SPTB: variants seen among roughly 807,000 people sequenced by gnomAD.
SPTB encodes the protein spectrin beta, erythrocytic.
In SPTB, 45 loss-of-function variants were observed where a neutral mutation model predicts 256.2. The ratio of observed to expected loss-of-function variants is 0.18; its 90% CI spans 0.14 to 0.23. The LOEUF is 0.23. Among genes scored for constraint, SPTB ranks in the 10% least tolerant of loss-of-function variants. SPTB has a pLI of 1.00. For missense variants in SPTB, 2,715 were observed against 3,040.4 expected, an observed-to-expected ratio of 0.89 and a Z score of 2.52; for synonymous variants, 1,231 against 1,243.1, an observed-to-expected ratio of 0.99 and a Z score of 0.21.
chr14:64,794,370 A>C, intron 13 of SPTB, 97 bp downstream of exon 13: 1 of 1,500,306 alleles, frequency 6.7e-7, no homozygotes, highest in Non-Finnish European at 9.2e-7. Flanking sequence ...CAGAACTTTA[A>C]AGTTGGTTCC....
Position 64,852,727 on chromosome 14 carries a change from C to T in SPTB, c.-52+27065G>A, listed in dbSNP as rs2083807614. Among the ~76,000 whole-genome samples the T allele has an allele frequency of 1.3e-5, 2 of 151,944 alleles. No homozygotes were observed. The highest frequency in any genetic ancestry group is 4.9e-5 in the African/African-American group (2 of 41,234). ...GTCCTATCAACCAAGGTAGTGATTACAAGACAAGGAGGAAGTTTAGCGGGG... is the reference window on the plus strand; with the variant it reads ...GTCCTATCAACCAAGGTAGTGATTATAAGACAAGGAGGAAGTTTAGCGGGG... On this transcript the variant is annotated intron_variant, in intron 1 of 35. Coordinates refer to ENST00000644917, the MANE Select transcript of SPTB (RefSeq NM_001355436.2). This position sits in a 1 kb window ranked among gnomAD's most constrained non-coding sequence, Gnocchi z 4.2.
At chr14:64,875,996 C>G (rs1882805863) in intron 1 of SPTB, among the ~76,000 whole-genome samples, 1 of 152,124 alleles carries the variant, frequency 6.6e-6, no homozygotes, top group African/African-American at 2.4e-5. Flanking sequence ...GAGATGGCAC[C>G]TCATTCTGTT....
At chr14:64,836,389 T>C (rs905441786) in intron 1 of SPTB, among the ~76,000 whole-genome samples, 2 of 152,190 alleles carry the variant, frequency 1.3e-5, no homozygotes, top group African/African-American at 4.8e-5. Context: ...TGAAGTTATA[T>C]GAAAATAATG....
At chr14:64,770,681 G>A (rs758811074) in intron 27 of SPTB, among the ~76,000 whole-genome samples, 2 of 152,320 alleles carry the variant, frequency 1.3e-5, no homozygotes, top group Non-Finnish European at 2.9e-5. Context: ...CCTGACTCTG[G>A]AGCGATTGGT....
In SPTB at chr14:64,749,538, A is replaced by G; in HGVS notation, c.6820-65T>C. ...AGCCCCCCACCTCCCGGGCCAGGCAACAATGGTGGGGGCTCTTGGGACTGC... is the reference window on the plus strand; with the variant it reads ...AGCCCCCCACCTCCCGGGCCAGGCAGCAATGGTGGGGGCTCTTGGGACTGC... On this transcript the variant is annotated intron_variant, in intron 35 of 35. Transcript: ENST00000644917. This position sits in a 1 kb window ranked among gnomAD's most constrained non-coding sequence, Gnocchi z 4.7. 1 of 1,600,796 alleles carries G rather than the reference A, an allele frequency of 6.2e-7. No homozygotes were observed. Among genetic ancestry groups the G allele is most frequent in the Non-Finnish European group, 8.5e-7 (1 of 1,178,122 alleles).
intron 15 of SPTB, among the ~76,000 whole-genome samples, chr14:64,791,329 A>G (rs2082666999): frequency 6.6e-6 from 1 of 152,144 alleles, no homozygotes; most frequent in African/African-American, 2.4e-5. Context: ...GCACTTTGGG[A>G]GGCCGAGGTG....
intron 4 of SPTB, among the ~76,000 whole-genome samples, chr14:64,803,371 T>C (rs1236024382): frequency 6.6e-6 from 1 of 152,228 alleles, no homozygotes; most frequent in Admixed American, 6.5e-5. Flanking sequence ...AATTAATTTC[T>C]ATCTTCTCCC....
At chr14:64,808,983 G>C (rs138060622) in intron 2 of SPTB, among the ~76,000 whole-genome samples, 77 of 151,858 alleles carry the variant, frequency 5.1e-4, no homozygotes, top group African/African-American at 1.6e-3. Flanking sequence ...AAGCTAGGCC[G>C]GGCATGGTGG....
Position 64,795,388 on chromosome 14 carries a change from C to T in SPTB, c.1593G>A (p.Gln531=), listed in dbSNP as rs768335366. The T allele has an allele frequency of 1.9e-6, 3 of 1,613,776 alleles. No homozygotes were observed. In the African/African-American group the frequency reaches 4.0e-5, roughly 22 times the overall value. ...TGTGCAGCATGTCCTGGAAGAGCTT[C>T]TGCAGTGCCAGGGTGGTCTCGAGCC... is the stretch of plus-strand genomic sequence containing the variant. ...RQRLETTLAL[Q]KLFQDMLHSI... is the part of the protein sequence containing the mutation. The change falls in exon 12 of 36, where the codon CAG becomes CAA. Residue 531 remains glutamine (Q), a synonymous_variant. Transcript: ENST00000644917. The surrounding 1 kb of genome is among the most constrained non-coding windows in gnomAD (Gnocchi z 6.5).
rs775202372 is a variant in SPTB, at chr14:64,786,598, A to G, written c.3367T>C (p.Ser1123Pro). The G allele has an allele frequency of 3.5e-5, 56 of 1,612,766 alleles. No homozygotes were observed. Among genetic ancestry groups the G allele is most frequent in the Non-Finnish European group, 4.7e-5 (55 of 1,179,634 alleles). Residue 1123 changes from serine (S) to proline (P), a missense_variant, in exon 16 of 36, where the codon TCT becomes CCT. Ser to Pro is a moderately conservative substitution (Grantham distance 74). Transcript: ENST00000644917. The surrounding 1 kb of genome is among the most constrained non-coding windows in gnomAD (Gnocchi z 5.6). ...HQDSYQRVKE[S>P]GEKVIQGQTD... ...TGGCCTTGGATCACTTTCTCCCCAG[A>G]CTCCTTAACACGCTGGTAGCTGTCT...
rs1245521674 is a variant in SPTB, at chr14:64,806,866, T to C, written c.149-1776A>G. On this transcript the variant is annotated intron_variant, in intron 2 of 35. Transcript: ENST00000644917. This position sits in a 1 kb window ranked among gnomAD's most constrained non-coding sequence, Gnocchi z 4.1. Reference sequence around the variant, plus strand: ...CTTCCAAGAAGAGGAAAAGTACTACTACTGACTGTGAATCCTAAATACATG... The same window carrying C: ...CTTCCAAGAAGAGGAAAAGTACTACCACTGACTGTGAATCCTAAATACATG... Among the ~76,000 whole-genome samples the C allele has an allele frequency of 8.4e-5, 10 of 119,356 alleles. No homozygotes were observed. The highest frequency in any genetic ancestry group is 1.3e-4 in the Non-Finnish European group (8 of 59,652). 78.3% of individuals were successfully genotyped at this position (119,356 alleles called of 152,430 possible).
intron 1 of SPTB, among the ~76,000 whole-genome samples, chr14:64,874,524 A>G (rs1257095464): frequency 2.6e-5 from 4 of 152,222 alleles, no homozygotes; most frequent in Non-Finnish European, 5.9e-5. Context: ...CGAAGTCAGT[A>G]TTATGAAAGG....
chr14:64,857,132 T>C (rs2083886496), intron 1 of SPTB, among the ~76,000 whole-genome samples: 1 of 152,112 alleles, frequency 6.6e-6, no homozygotes. Flanking sequence ...ACAAATTTGA[T>C]AGTGAGGGTA....
At chr14:64,838,718 A>T (rs2083561633) in intron 1 of SPTB, among the ~76,000 whole-genome samples, 1 of 152,230 alleles carries the variant, frequency 6.6e-6, no homozygotes, top group Admixed American at 6.5e-5. Flanking sequence ...CGGCTTTAAA[A>T]AAAAAACAAT....
In SPTB at chr14:64,803,609, G is replaced by C; in HGVS notation, c.472C>G (p.Gln158Glu). The C allele has an allele frequency of 6.2e-7, 1 of 1,614,176 alleles. No homozygotes were observed. Residue 158 changes from glutamine (Q) to glutamate (E), a missense_variant and splice_region_variant, in exon 4 of 36, where the codon CAG (glutamine) becomes GAG (glutamate). By Grantham distance (29) the Gln-to-Glu change is conservative. This residue lies in a region of SPTB where 416 missense variants were observed against 571.1 expected (regional missense o/e 0.73). Coordinates refer to ENST00000644917, the MANE Select transcript of SPTB (RefSeq NM_001355436.2). ...TCCTCTACCCCCCAGGAACCCACCTGGAAGCGGAGGATGATGGTCCAGATG... is the reference window on the plus strand; with the variant it reads ...TCCTCTACCCCCCAGGAACCCACCTCGAAGCGGAGGATGATGGTCCAGATG... ...GLIWTIILRF[Q>E]IQDIVVQTQE...
chr14:64,856,760 A>G (rs936732896), intron 1 of SPTB, among the ~76,000 whole-genome samples: 1 of 152,242 alleles, frequency 6.6e-6, no homozygotes, highest in African/African-American at 2.4e-5. Flanking sequence ...GGGAGTCCTC[A>G]AGAATTTGTT....
chr14:64,754,394 C>T (rs1360887552), intron 32 of SPTB: 1 of 167,364 alleles, frequency 6.0e-6, no homozygotes, highest in East Asian at 1.6e-4. Context: ...CAGGTCCTTT[C>T]TCCATCATTT....
At chr14:64,834,390 G>C (rs1296728241) in intron 1 of SPTB, among the ~76,000 whole-genome samples, 2 of 150,876 alleles carry the variant, frequency 1.3e-5, no homozygotes, top group Non-Finnish European at 3.0e-5. Context: ...GGGATGGGCA[G>C]TGGCAACAGG....
chr14:64,755,828 G>A lies in SPTB; in HGVS notation c.6346-2035C>T, dbSNP rs1412591118. 6 of 152,212 alleles carry A rather than the reference G, an allele frequency of 3.9e-5. No individual in the cohort carries two copies. The South Asian group carries it at 8.3e-4, about 21-fold the overall frequency. 9.4% of individuals were successfully genotyped at this position (152,212 alleles called of 1,614,324 possible). A position where few individuals can be genotyped will look rare whatever the true frequency, so the allele number is the denominator to read the frequency against. On this transcript the variant is annotated intron_variant, in intron 32 of 35. Coordinates refer to ENST00000644917, the MANE Select transcript of SPTB (RefSeq NM_001355436.2). Reference sequence around the variant, plus strand: ...GGGAATGTAGCCAGCTGCATGCTAAGGAGGGAAAGAAAGCAAAGGAGAAAT... The same window carrying A: ...GGGAATGTAGCCAGCTGCATGCTAAAGAGGGAAAGAAAGCAAAGGAGAAAT...
Sources: allele counts gnomAD v4.1 joint callset (sites outside exome capture counted in the v4.1 genomes callset), GRCh38; gene constraint gnomAD v4.1.1; regional missense constraint gnomAD v4.1.1; non-coding constraint Gnocchi (gnomAD v3.1); transcripts MANE v1.5; gene names NCBI Gene and HGNC (gene_info 2026-07-23, HGNC 2026-07-21).